KIAA1549L: variants seen among roughly 807,000 people sequenced by gnomAD.
KIAA1549L encodes the protein KIAA1549 like, also known as UPF0606 protein KIAA1549L.
Under a neutral mutation model 160.7 loss-of-function variants are expected in KIAA1549L, and 88 were observed. The observed-to-expected ratio is 0.55, with a 90% CI of 0.46 to 0.65. KIAA1549L has a LOEUF of 0.65. Ranked by LOEUF, KIAA1549L falls within the 30% of genes least tolerant of loss-of-function variation. The probability of loss-of-function intolerance (pLI) is 0.00; values close to 1 mark genes in which losing one functional copy is unlikely to be tolerated. For missense variants in KIAA1549L, 2,258 were observed against 2,437.5 expected, an observed-to-expected ratio of 0.93 and a Z score of 1.55; for synonymous variants, 950 against 976.7, an observed-to-expected ratio of 0.97 and a Z score of 0.51.
intron 8 of KIAA1549L, among the ~76,000 whole-genome samples, chr11:33,562,499 G>C (rs573862923): frequency 1.9e-4 from 29 of 152,200 alleles, no homozygotes; most frequent in African/African-American, 7.0e-4. Context: ...TAAAGCCAAG[G>C]TGTTACAGGA....
chr11:33,573,825 A>G (rs1264309907), intron 9 of KIAA1549L, among the ~76,000 whole-genome samples: 4 of 152,208 alleles, frequency 2.6e-5, no homozygotes, highest in African/African-American at 9.6e-5. Context: ...AAGTTTTAGT[A>G]TTTATGATTA....
chr11:33,506,756 A>G (rs946131464), intron 1 of KIAA1549L, among the ~76,000 whole-genome samples: 2 of 152,148 alleles, frequency 1.3e-5, no homozygotes, highest in African/African-American at 2.4e-5. Context: ...AAAAACATTC[A>G]GATGAAAGCC....
At chr11:33,418,619 A>G (rs1850934904) in intron 1 of KIAA1549L, among the ~76,000 whole-genome samples, 2 of 152,226 alleles carry the variant, frequency 1.3e-5, no homozygotes, top group Admixed American at 6.5e-5. Flanking sequence ...ACATATAGGC[A>G]GCGAGGGACC....
At chr11:33,647,983 A>T (rs1851772616) in intron 17 of KIAA1549L, among the ~76,000 whole-genome samples, 1 of 149,232 alleles carries the variant, frequency 6.7e-6, no homozygotes, top group Non-Finnish European at 1.5e-5. Flanking sequence ...ACCAGAACTA[A>T]CCTTTTCTTT....
At chr11:33,453,367 G>A (rs1851759943) in intron 1 of KIAA1549L, among the ~76,000 whole-genome samples, 1 of 152,158 alleles carries the variant, frequency 6.6e-6, no homozygotes. Context: ...GTAAGACTGG[G>A]GTGGGGGATG....
chr11:33,473,424 A>G (rs888659125), intron 1 of KIAA1549L, among the ~76,000 whole-genome samples: 21 of 152,222 alleles, frequency 1.4e-4, no homozygotes, highest in Admixed American at 9.8e-4. Context: ...GACAAGTCTT[A>G]GAGGTTGCAT....
At chr11:33,449,026 T>G (rs1851670803) in intron 1 of KIAA1549L, among the ~76,000 whole-genome samples, 1 of 152,230 alleles carries the variant, frequency 6.6e-6, no homozygotes, top group Non-Finnish European at 1.5e-5. Context: ...GGCAATGAAC[T>G]TTTGTTTCTA....
chr11:33,520,260 G>T (rs1490460904), intron 1 of KIAA1549L, among the ~76,000 whole-genome samples: 2 of 151,940 alleles, frequency 1.3e-5, no homozygotes, highest in East Asian at 3.9e-4. Context: ...CTGAAATATT[G>T]TATACCCTTT....
intron 1 of KIAA1549L, among the ~76,000 whole-genome samples, chr11:33,419,060 A>G (rs946288705): frequency 2.6e-5 from 4 of 151,908 alleles, no homozygotes; most frequent in African/African-American, 9.7e-5. Context: ...TTTAGTAGAG[A>G]CAGGGTTTCA....
Position 33,591,222 on chromosome 11 carries a change from G to C in KIAA1549L, c.4567-15G>C, listed in dbSNP as rs1298316606. 6.3e-7 allele frequency: 1 copy of C among 1,598,934 alleles called. No individual in the cohort carries two copies. The highest frequency in any genetic ancestry group is 8.5e-7 in the Non-Finnish European group (1 of 1,171,734). ...TCGCTAGAAATACGACTGCAAATCT[G>C]TTTCCTCTTTGCAGCCTGTGCAAGG... On this transcript the variant is annotated splice_polypyrimidine_tract_variant and intron_variant, in intron 11 of 20. Coordinates refer to ENST00000658780, the MANE Select transcript of KIAA1549L (RefSeq NM_012194.3).
chr11:33,498,255 G>A (rs968364411), intron 1 of KIAA1549L, among the ~76,000 whole-genome samples: 22 of 152,162 alleles, frequency 1.4e-4, no homozygotes, highest in Admixed American at 4.6e-4. Context: ...GGCTTGTCCC[G>A]GATTCACTCT....
intron 1 of KIAA1549L, among the ~76,000 whole-genome samples, chr11:33,508,804 G>A (rs1288050503): frequency 6.6e-6 from 1 of 152,206 alleles, no homozygotes; most frequent in Admixed American, 6.5e-5. Context: ...CATGTTTGAA[G>A]AGAGTGGAAG....
rs1389802558 is a variant in KIAA1549L, at chr11:33,574,730, C to T, written c.4259C>T (p.Pro1420Leu). The stretch of plus-strand genomic sequence containing the variant: ...GTGAAGATGCAGCGTGTCCCAGGCC[C>T]GAAGGACCCAGCGGAGCTGACTTAC... ...QMVKMQRVPG[P>L]KDPAELTYYT... The change falls in exon 10 of 21, where the codon CCG (proline) becomes CTG (leucine). Residue 1420 changes from proline to leucine, a missense_variant. By Grantham distance (98) the Pro-to-Leu change is moderately conservative. Coordinates refer to ENST00000658780, the MANE Select transcript of KIAA1549L (RefSeq NM_012194.3). 15 of 1,612,778 alleles carry T rather than the reference C, an allele frequency of 9.3e-6. No homozygotes were observed. The highest frequency in any genetic ancestry group is 2.2e-5 in the South Asian group (2 of 90,890).
intron 12 of KIAA1549L, among the ~76,000 whole-genome samples, chr11:33,597,622 C>T (rs1174646580): frequency 5.9e-5 from 9 of 152,214 alleles, no homozygotes; most frequent in South Asian, 2.1e-4. Flanking sequence ...TATGCTCAGC[C>T]GGACCCACGG....
At chr11:33,648,916 G>T (rs749542934) in intron 17 of KIAA1549L, among the ~76,000 whole-genome samples, 6 of 152,168 alleles carry the variant, frequency 3.9e-5, no homozygotes, top group Non-Finnish European at 8.8e-5. Flanking sequence ...CATCTGTTGA[G>T]CTCCCATTGT....
intron 1 of KIAA1549L, among the ~76,000 whole-genome samples, chr11:33,465,999 G>A (rs1852049879): frequency 1.3e-5 from 2 of 152,196 alleles, no homozygotes; most frequent in African/African-American, 4.8e-5. Context: ...AAGCCTACTT[G>A]TTAATCACAA....
intron 1 of KIAA1549L, among the ~76,000 whole-genome samples, chr11:33,410,601 G>A (rs1850767752): frequency 6.6e-6 from 1 of 152,082 alleles, no homozygotes; most frequent in Non-Finnish European, 1.5e-5. Flanking sequence ...TTAACCTTGT[G>A]GCTTTTTCCT....
At position 33,547,891 on chromosome 11, in the gene KIAA1549L, G is replaced by T; in HGVS notation, c.3501+12G>T. On this transcript the variant is annotated intron_variant, in intron 4 of 20. Transcript: ENST00000658780. ...ATGTCTCAGCTCACGTAAGTGCTTTGCTTTGTAACCAAGCTAATCCATCAC... is the reference window on the plus strand; with the variant it reads ...ATGTCTCAGCTCACGTAAGTGCTTTTCTTTGTAACCAAGCTAATCCATCAC... 1 of 1,552,452 alleles carries T rather than the reference G, an allele frequency of 6.4e-7. No homozygotes were observed.
chr11:33,607,110 C>T (rs1850527551), intron 14 of KIAA1549L, among the ~76,000 whole-genome samples: 1 of 152,276 alleles, frequency 6.6e-6, no homozygotes, highest in Admixed American at 6.5e-5. Flanking sequence ...TGCTCCCCGA[C>T]CCCCTCACAC....
Sources: allele counts gnomAD v4.1 joint callset (sites outside exome capture counted in the v4.1 genomes callset), GRCh38; gene constraint gnomAD v4.1.1; transcripts MANE v1.5; gene names NCBI Gene and HGNC (gene_info 2026-07-23, HGNC 2026-07-21).